ANK2: variants seen among roughly 807,000 people sequenced by gnomAD.
ANK2 encodes the protein ankyrin-2.
ANK2 carries 83 observed loss-of-function variants against 360.5 expected under a neutral mutation model. The observed-to-expected ratio is 0.23, with a 90% CI of 0.19 to 0.28. ANK2 has a LOEUF of 0.28. Among genes scored for constraint, ANK2 ranks in the 10% least tolerant of loss-of-function variants. The pLI is 1.00. For missense variants in ANK2, 4,201 were observed against 4,795.7 expected, an observed-to-expected ratio of 0.88 and a Z score of 3.66; for synonymous variants, 1,740 against 1,759.5, an observed-to-expected ratio of 0.99 and a Z score of 0.28.
chr4:112,809,107 C>T, the ANK2 span, among the ~76,000 whole-genome samples: 1 of 151,770 alleles, frequency 6.6e-6, no homozygotes, highest in African/African-American at 2.4e-5. Flanking sequence ...AATCCACCCA[C>T]CTCAGCCTCC....
chr4:113,117,636 C>T (rs1214387223), intron 1 of ANK2, among the ~76,000 whole-genome samples: 1 of 152,080 alleles, frequency 6.6e-6, no homozygotes, highest in African/African-American at 2.4e-5. Flanking sequence ...GGCAAAAATG[C>T]CTCCACTTCA....
rs767322225 is a variant in ANK2 at position 113,196,453 on chromosome 4, A to T, written c.272A>T (p.Asp91Val). ...CTGCTGGGAAGAGGGTCCTCTGTGG[A>T]TTCTGCCACTAAGGTAACATTTATG... ...QELLGRGSSV[D>V]SATKKGNTAL... Residue 91 changes from aspartate (D) to valine (V), a missense_variant, in exon 3 of 46, where the codon GAT becomes GTT. Around this residue, in one of 4 missense-constraint regions of ANK2, gnomAD observed 169 missense variants for 191.1 expected, o/e 0.88. Coordinates refer to ENST00000357077, the MANE Select transcript of ANK2 (RefSeq NM_001148.6). 5 of 1,613,208 alleles carry T rather than the reference A, an allele frequency of 3.1e-6. No homozygotes were observed. Among genetic ancestry groups the T allele is most frequent in the South Asian group, 1.1e-5 (1 of 90,696 alleles).
At chr4:113,352,850 G>GT (rs997391718) in intron 37 of ANK2, among the ~76,000 whole-genome samples, 195 bp from the exon 38 acceptor site, 70 of 145,210 alleles carry the variant, frequency 4.8e-4, no homozygotes, top group South Asian at 4.2e-3. Flanking sequence ...CTTTTCAGTT[G>GT]TTTTTTTTTT....
chr4:113,132,591 T>TG lies in ANK2; in HGVS notation c.85-41824dup, dbSNP rs578092331. 1.8e-4 allele frequency among the ~76,000 whole-genome samples: 28 copies of TG among 152,218 alleles called. No homozygotes were observed. In the East Asian group the frequency reaches 5.4e-3, roughly 29 times the overall value. On this transcript the variant is annotated intron_variant, in intron 1 of 45. Coordinates refer to ENST00000357077, the MANE Select transcript of ANK2 (RefSeq NM_001148.6). ...TAGCTTCTCAGCCAGACGGAGCCCA[T>TG]GAGATAGATGGCTCTGACAGGAACA...
At chr4:113,375,979 A>G (rs1272174865) in intron 45 of ANK2, among the ~76,000 whole-genome samples, 2 of 152,228 alleles carry the variant, frequency 1.3e-5, no homozygotes, top group East Asian at 1.9e-4. Context: ...AGTATTATAT[A>G]GTACAGTCAT....
At chr4:112,775,761 G>T in the ANK2 span, among the ~76,000 whole-genome samples, 1 of 152,140 alleles carries the variant, frequency 6.6e-6, no homozygotes, top group African/African-American at 2.4e-5. Context: ...GAGAAATTAG[G>T]TCTGAAGCTC....
At chr4:112,884,146 A>G (rs2077589716) in intron 1 of ANK2, among the ~76,000 whole-genome samples, 1 of 152,184 alleles carries the variant, frequency 6.6e-6, no homozygotes, top group African/African-American at 2.4e-5. Flanking sequence ...TAAGTGATAG[A>G]TGACAAAATA....
chr4:112,774,619 G>A, the ANK2 span, among the ~76,000 whole-genome samples: 1 of 152,222 alleles, frequency 6.6e-6, no homozygotes, highest in Non-Finnish European at 1.5e-5. Context: ...ATTGCCATGG[G>A]CAGCAGAAAG....
intron 29 of ANK2, among the ~76,000 whole-genome samples, chr4:113,333,907 G>GAGGAAAGC (rs1212646128): frequency 6.6e-6 from 1 of 152,146 alleles, no homozygotes; most frequent in East Asian, 1.9e-4. Flanking sequence ...AGTATGAAAA[G>GAGGAAAGC]AGGAAAGCGG....
At chr4:113,295,618 C>A (rs2070859872) in intron 22 of ANK2, among the ~76,000 whole-genome samples, 1 of 152,134 alleles carries the variant, frequency 6.6e-6, no homozygotes, top group Non-Finnish European at 1.5e-5. Context: ...CATTCTGTAG[C>A]TGAGCATTGC....
At chr4:113,112,039 T>C (rs2154366205) in intron 1 of ANK2, among the ~76,000 whole-genome samples, 1 of 152,226 alleles carries the variant, frequency 6.6e-6, no homozygotes, top group South Asian at 2.1e-4. Flanking sequence ...GATACAACCA[T>C]AAAAAGAAGC....
At chr4:113,300,025 T>C (rs1563548465) in intron 22 of ANK2, among the ~76,000 whole-genome samples, 1 of 152,064 alleles carries the variant, frequency 6.6e-6, no homozygotes, top group Non-Finnish European at 1.5e-5. Flanking sequence ...TGGGCTATAA[T>C]TTATTGGTGT....
chr4:113,283,524 G>T (rs1587076636), intron 18 of ANK2, among the ~76,000 whole-genome samples: 1 of 151,912 alleles, frequency 6.6e-6, no homozygotes, highest in African/African-American at 2.4e-5. Context: ...ATAGACCTCC[G>T]CATTAATTAT....
At position 113,358,895 on chromosome 4, in the gene ANK2, T is replaced by C. The variant is rs1176466512; in HGVS notation, c.10277T>C (p.Leu3426Ser). 8.7e-6 allele frequency: 14 copies of C among 1,613,834 alleles called. No individual in the cohort carries two copies. The highest frequency in any genetic ancestry group is 3.3e-5 in the Admixed American group (2 of 59,976). ...AGAGAGAGGGCCGAGGAACTTGAGT[T>C]AGAATCAGAAGAAGGGGCCACAAGA... ...ESRERAEELE[L>S]ESEEGATRPK... is the part of the protein sequence containing the mutation. Residue 3426 changes from leucine to serine, a missense_variant, in exon 38 of 46, where the codon TTA becomes TCA. This residue lies in a region of ANK2 where 2,642 missense variants were observed against 2,714.5 expected (regional missense o/e 0.97). Transcript: ENST00000357077.
At chr4:113,107,102 C>A in intron 1 of ANK2, 1 of 297,916 alleles carries the variant, frequency 3.4e-6, no homozygotes, top group Non-Finnish European at 6.6e-6. Flanking sequence ...ATAATGAAGC[C>A]CATTAACAAA....
chr4:113,136,247 C>G (rs376422482), intron 1 of ANK2, among the ~76,000 whole-genome samples: 1 of 152,116 alleles, frequency 6.6e-6, no homozygotes, highest in Non-Finnish European at 1.5e-5. Context: ...CCTGATGGCT[C>G]TGTGTCCACA....
intron 31 of ANK2, among the ~76,000 whole-genome samples, chr4:113,337,788 C>T (rs2093740000): frequency 6.6e-6 from 1 of 152,054 alleles, no homozygotes; most frequent in Non-Finnish European, 1.5e-5. Flanking sequence ...CCCAGTTGCT[C>T]ATTTTTGGTT....
At chr4:113,278,238 G>C (rs925700437) in intron 16 of ANK2, among the ~76,000 whole-genome samples, 2 of 152,030 alleles carry the variant, frequency 1.3e-5, no homozygotes, top group African/African-American at 4.8e-5. Context: ...TTTACATTGT[G>C]ACCCTCAAGA....
intron 1 of ANK2, among the ~76,000 whole-genome samples, chr4:112,822,455 C>G (rs1291337349): frequency 6.7e-6 from 1 of 148,720 alleles, no homozygotes. Flanking sequence ...CAACAAAAAA[C>G]CATTTCAGGC....
Sources: allele counts gnomAD v4.1 joint callset (sites outside exome capture counted in the v4.1 genomes callset), GRCh38; gene constraint gnomAD v4.1.1; regional missense constraint gnomAD v4.1.1; transcripts MANE v1.5; gene names NCBI Gene and HGNC (gene_info 2026-07-23, HGNC 2026-07-21).